The following WAC variants were observed in gnomAD, a reference collection of about 807,000 sequenced individuals.
WAC encodes WW domain containing adaptor with coiled-coil.
A neutral mutation model predicts 79.6 loss-of-function variants in WAC; 11 were observed. The observed-to-expected ratio is 0.14, with a 90% confidence interval of 0.09 to 0.23. The LOEUF (loss-of-function observed/expected upper bound fraction) is 0.23, where lower values mean the gene tolerates loss of function less well. WAC is among the 10% of genes least tolerant of loss of function. WAC has a pLI of 1.00. For synonymous variants in WAC, 304 were observed against 276.9 expected, an observed-to-expected ratio of 1.10 and a Z score of -0.97; for missense variants, 728 against 773.5, an observed-to-expected ratio of 0.94 and a Z score of 0.70.
chr10:28,558,180 C>T (rs937512427), intron 3 of WAC, among the ~76,000 whole-genome samples: 2 of 152,114 alleles, frequency 1.3e-5, no homozygotes, highest in African/African-American at 4.8e-5. Flanking sequence ...TACAAGAAAA[C>T]TCAATCTTTA....
intron 3 of WAC, 106 bp from the exon 4 acceptor site, chr10:28,583,293 T>C (rs1839634719): frequency 1.3e-6 from 1 of 768,296 alleles, no homozygotes; most frequent in Non-Finnish European, 2.0e-6. Context: ...TTATGTAAGA[T>C]GTTCGTTTAG....
Position 28,535,654 on chromosome 10 carries a change from A to G in WAC, c.171A>G (p.Lys57=). ...CCGGAGATCCTTCACCACCAAATAA[A>G]ATGTTGCGGAGATCTGATAGTCCTG... ...RDAGDPSPPN[K]MLRRSDSPEN... Residue 57 remains lysine (K), a synonymous_variant, in exon 3 of 14, where the codon AAA becomes AAG. Transcript: ENST00000354911. 1 of 1,614,104 alleles carries G rather than the reference A, an allele frequency of 6.2e-7. No homozygotes were observed. Among genetic ancestry groups the G allele is most frequent in the Non-Finnish European group, 8.5e-7 (1 of 1,180,022 alleles).
chr10:28,579,669 C>T (rs1203854440), intron 3 of WAC, among the ~76,000 whole-genome samples: 6 of 152,088 alleles, frequency 3.9e-5, no homozygotes, highest in Non-Finnish European at 8.8e-5. Context: ...TTACCCCAGC[C>T]TTGGGAAGGA....
chr10:28,612,053 T>G, intron 10 of WAC, 131 bp downstream of exon 10: 2 of 1,121,688 alleles, frequency 1.8e-6, no homozygotes, highest in Non-Finnish European at 2.5e-6. Flanking sequence ...ACAGGTATGA[T>G]AGTAGATGCA....
intron 7 of WAC, among the ~76,000 whole-genome samples, chr10:28,605,057 A>G (rs1265736016): frequency 6.6e-6 from 1 of 152,214 alleles, no homozygotes; most frequent in African/African-American, 2.4e-5. Flanking sequence ...GGACGTTTGT[A>G]TGTGTGTCTT....
chr10:28,533,824 C>A, intron 1 of WAC, 174 bp from the exon 2 acceptor site: 1 of 991,356 alleles, frequency 1.0e-6, no homozygotes, highest in Non-Finnish European at 1.5e-6. Flanking sequence ...CGGCATTTCG[C>A]CCTCTCCGGC....
At chr10:28,577,696 C>T (rs1222814949) in intron 3 of WAC, among the ~76,000 whole-genome samples, 1 of 152,102 alleles carries the variant, frequency 6.6e-6, no homozygotes, top group Non-Finnish European at 1.5e-5. Flanking sequence ...GTATAATAAT[C>T]TCTGTAAGTG....
At chr10:28,614,110 C>CTT (rs879655919) in intron 10 of WAC, among the ~76,000 whole-genome samples, 35 of 146,712 alleles carry the variant, frequency 2.4e-4, no homozygotes, top group African/African-American at 8.2e-4. Flanking sequence ...GAACTAGTTA[C>CTT]TTTTTTTTTT....
chr10:28,541,981 G>A (rs1390860475), intron 3 of WAC, among the ~76,000 whole-genome samples: 1 of 152,096 alleles, frequency 6.6e-6, no homozygotes, highest in East Asian at 1.9e-4. Flanking sequence ...GCCCTCCAGT[G>A]ACTCCCTGTT....
At chr10:28,537,193 G>C (rs1483174198) in intron 3 of WAC, among the ~76,000 whole-genome samples, 1 of 152,196 alleles carries the variant, frequency 6.6e-6, no homozygotes, top group Admixed American at 6.5e-5. Flanking sequence ...CCACATTTTT[G>C]TAACAGTAGT....
chr10:28,613,149 C>T (rs892971899), intron 10 of WAC, among the ~76,000 whole-genome samples: 1 of 152,166 alleles, frequency 6.6e-6, no homozygotes, highest in Non-Finnish European at 1.5e-5. Flanking sequence ...AGGCAGATCA[C>T]TTGAGGCCTA....
Position 28,535,618 on chromosome 10 carries a change from G to C in WAC, c.135G>C (p.Lys45Asn), listed in dbSNP as rs374702438. 1.2e-5 allele frequency: 20 copies of C among 1,613,976 alleles called. No individual in the cohort carries two copies. The highest frequency in any genetic ancestry group is 1.7e-5 in the Non-Finnish European group (20 of 1,180,010). The change falls in exon 3 of 14, where the codon AAG becomes AAC. Residue 45 changes from lysine to asparagine, a missense_variant. Lys to Asn is a moderately conservative substitution (Grantham distance 94, BLOSUM62 0). Transcript: ENST00000354911. ...GTAGCGGTGATCACAGACATGAAAA[G>C]ATGCGAGACGCCGGAGATCCTTCAC... ...HPSSGDHRHE[K>N]MRDAGDPSPP... is the part of the protein sequence containing the mutation.
chr10:28,572,636 C>T (rs1839037318), intron 3 of WAC, among the ~76,000 whole-genome samples: 1 of 151,978 alleles, frequency 6.6e-6, no homozygotes, highest in Non-Finnish European at 1.5e-5. Flanking sequence ...TATGGTGAAA[C>T]CCCGTCTCTA....
In WAC at chr10:28,596,392, TCTTAATA is replaced by T. The variant is rs201106764; in HGVS notation, c.919+359_919+365del. 2.1e-3 allele frequency among the ~76,000 whole-genome samples: 319 copies of T among 152,342 alleles called. 4 individuals carry two copies. The East Asian group carries it at 0.032, about 15-fold the overall frequency. ...TAGTTTATAAATCGTCTCAGTTTTC[TCTTAATA>T]CTTAATATAAATAGAGGTATTTTAA... is the stretch of plus-strand genomic sequence containing the variant. On this transcript the variant is annotated intron_variant, in intron 7 of 13. Transcript: ENST00000354911.
chr10:28,571,617 A>G (rs546353505), intron 3 of WAC, among the ~76,000 whole-genome samples: 7 of 152,370 alleles, frequency 4.6e-5, no homozygotes, highest in African/African-American at 9.6e-5. Flanking sequence ...ATCTTAATGT[A>G]ACTCAGACAG....
intron 7 of WAC, among the ~76,000 whole-genome samples, chr10:28,607,602 AT>A (rs1461507357): frequency 1.3e-5 from 2 of 152,206 alleles, no homozygotes; most frequent in African/African-American, 4.8e-5. Flanking sequence ...TATATATTGA[AT>A]TACAAAAGGG....
intron 8 of WAC, among the ~76,000 whole-genome samples, chr10:28,609,143 C>T (rs1247895771): frequency 6.6e-6 from 1 of 152,176 alleles, no homozygotes; most frequent in Non-Finnish European, 1.5e-5. Flanking sequence ...GGGTGGATCA[C>T]CTGAGGTCAG....
intron 7 of WAC, among the ~76,000 whole-genome samples, chr10:28,604,985 T>C (rs1223770051): frequency 2.0e-5 from 3 of 152,212 alleles, no homozygotes; most frequent in African/African-American, 4.8e-5. Flanking sequence ...TTTAGTATTA[T>C]ACATGTAGAT....
At chr10:28,587,924 C>CT (rs9335800) in intron 4 of WAC, among the ~76,000 whole-genome samples, 87,532 of 150,276 alleles carry the variant, frequency 0.58, 26,161 homozygotes, top group African/African-American at 0.7. Flanking sequence ...GTTCAGCTGA[C>CT]TTTTTTTTTT....
Sources: gnomAD v4.1 joint callset for allele counts (sites outside exome capture counted in the v4.1 genomes callset) on GRCh38, gnomAD v4.1.1 for gene constraint, MANE v1.5 for transcripts, NCBI Gene and HGNC (gene_info 2026-07-23, HGNC 2026-07-21) for gene names.